The following DNAH7 variants were observed in gnomAD, a reference collection of about 807,000 sequenced individuals.
DNAH7 encodes axonemal beta dynein heavy chain 7.
Under a neutral mutation model 444.6 loss-of-function variants are expected in DNAH7, and 397 were observed. The observed-to-expected ratio is 0.89, with a 90% confidence interval of 0.82 to 0.97. The LOEUF is 0.97. Ranked by LOEUF, DNAH7 falls within the 50% of genes least tolerant of loss-of-function variation. DNAH7 has a pLI of 0.00. For missense variants in DNAH7, 4,902 were observed against 4,800.8 expected (o/e 1.02, Z -0.62); for synonymous variants, 1,636 against 1,624.4 (o/e 1.01, Z -0.17).
At chr2:196,046,633 A>C (rs1472233576) in intron 5 of DNAH7, among the ~76,000 whole-genome samples, 2 of 152,106 alleles carry the variant, frequency 1.3e-5, no homozygotes, top group African/African-American at 4.8e-5. Flanking sequence ...ACCCAGCTGC[A>C]TGGGACTCCG....
At chr2:195,975,306 G>GAGGAGAGTTCCA (rs1692115955) in intron 15 of DNAH7, among the ~76,000 whole-genome samples, 2 of 151,982 alleles carry the variant, frequency 1.3e-5, no homozygotes, top group African/African-American at 4.8e-5. Flanking sequence ...GGGAGAGTGG[G>GAGGAGAGTTCCA]ACTTTGTGTT....
chr2:195,999,868 A>G (rs1423315306), intron 12 of DNAH7, among the ~76,000 whole-genome samples: 1 of 152,238 alleles, frequency 6.6e-6, no homozygotes, highest in Non-Finnish European at 1.5e-5. Context: ...GAAAAACTAA[A>G]CATAAATTGT....
At chr2:196,021,770 T>G (rs2125760780) in intron 8 of DNAH7, among the ~76,000 whole-genome samples, 1 of 152,140 alleles carries the variant, frequency 6.6e-6, no homozygotes, top group Non-Finnish European at 1.5e-5. Context: ...TGTACTGAAC[T>G]GTGATCATGC....
At position 195,906,810 on chromosome 2, in the gene DNAH7, G is replaced by T. The variant is rs754966372; in HGVS notation, c.4208-24C>A. 9.1e-5 allele frequency: 146 copies of T among 1,612,110 alleles called. 1 individual carries two copies. In the Admixed American group the frequency reaches 2.3e-3, roughly 26 times the overall value. ...ACCTGTAGGTAATCAGGAATGAAAT[G>T]ACTTAGTAATACCACATATAAACAT... is the stretch of plus-strand genomic sequence containing the variant. On this transcript the variant is annotated intron_variant, in intron 26 of 64. Coordinates refer to ENST00000312428, the MANE Select transcript of DNAH7 (RefSeq NM_018897.3).
chr2:196,012,863 C>G lies in DNAH7; in HGVS notation c.913G>C (p.Asp305His). 6.5e-7 allele frequency: 1 copy of G among 1,538,270 alleles called. No individual in the cohort carries two copies. The highest frequency in any genetic ancestry group is 8.7e-7 in the Non-Finnish European group (1 of 1,144,506). Residue 305 changes from aspartate to histidine, a missense_variant, in exon 10 of 65, where the codon GAT becomes CAT. Transcript: ENST00000312428. ...TGAAAACTTGACAGCTCTAATGCAT[C>G]CTGGCAATTATGAAATTCTTTGATA... The part of the protein sequence containing the change: ...VDIKEFHNCQ[D>H]ALELSSFQNI...
chr2:195,936,005 T>C (rs1689024545), intron 20 of DNAH7, among the ~76,000 whole-genome samples: 1 of 152,144 alleles, frequency 6.6e-6, no homozygotes, highest in East Asian at 1.9e-4. Context: ...TTGCAAACCA[T>C]CATGAGAGCA....
chr2:196,045,964 T>C (rs534163209), intron 5 of DNAH7, among the ~76,000 whole-genome samples: 22 of 152,164 alleles, frequency 1.4e-4, no homozygotes, highest in Admixed American at 3.3e-4. Context: ...AACTCTAAGA[T>C]TGAATTTCAG....
chr2:195,958,902 C>T (rs1690883517), intron 18 of DNAH7, among the ~76,000 whole-genome samples: 1 of 151,914 alleles, frequency 6.6e-6, no homozygotes, highest in African/African-American at 2.4e-5. Flanking sequence ...AGATTTGAAC[C>T]CAGACAGTTG....
At chr2:195,958,090 G>C (rs938473972) in intron 18 of DNAH7, among the ~76,000 whole-genome samples, 1 of 151,992 alleles carries the variant, frequency 6.6e-6, no homozygotes, top group Non-Finnish European at 1.5e-5. Context: ...GGTTTCAACT[G>C]TGTAGGTCCA....
chr2:195,801,141 C>A (rs935069047), intron 54 of DNAH7, among the ~76,000 whole-genome samples: 3 of 152,160 alleles, frequency 2.0e-5, no homozygotes, highest in African/African-American at 7.2e-5. Context: ...CACTTTCCAG[C>A]CTGTAGAACC....
chr2:195,902,608 C>T (rs963443866), intron 27 of DNAH7: 1 of 152,032 alleles, frequency 6.6e-6, no homozygotes, highest in African/African-American at 2.4e-5. Context: ...CTTTGACCAC[C>T]CTAGTTACTT....
At chr2:195,947,629 T>A (rs960804450) in intron 19 of DNAH7, among the ~76,000 whole-genome samples, 1 of 152,190 alleles carries the variant, frequency 6.6e-6, no homozygotes, top group Non-Finnish European at 1.5e-5. Context: ...GAACTCATCC[T>A]TTTTTATGGC....
chr2:195,789,189 C>A (rs1244776768), intron 57 of DNAH7, among the ~76,000 whole-genome samples: 1 of 151,456 alleles, frequency 6.6e-6, no homozygotes, highest in Non-Finnish European at 1.5e-5. Flanking sequence ...TAATATGGAA[C>A]CTATACCAAG....
intron 16 of DNAH7, among the ~76,000 whole-genome samples, chr2:195,971,541 C>CAG (rs1691841614): frequency 6.6e-6 from 1 of 152,086 alleles, no homozygotes. Flanking sequence ...GCTGAGAGGG[C>CAG]TTCTCAGAAA....
At chr2:195,991,045 C>T (rs1324080676) in intron 12 of DNAH7, among the ~76,000 whole-genome samples, 1 of 149,428 alleles carries the variant, frequency 6.7e-6, no homozygotes, top group Non-Finnish European at 1.5e-5. Flanking sequence ...TTTCAAATTA[C>T]ACCCATTTGA....
intron 19 of DNAH7, among the ~76,000 whole-genome samples, chr2:195,937,572 A>C (rs1220630597): frequency 3.3e-5 from 5 of 152,240 alleles, no homozygotes; most frequent in African/African-American, 1.2e-4. Flanking sequence ...TTTTTAAAAA[A>C]AGTAAATAGA....
chr2:195,779,168 AT>A (rs1464196697), intron 58 of DNAH7, among the ~76,000 whole-genome samples: 20 of 152,086 alleles, frequency 1.3e-4, no homozygotes, highest in African/African-American at 4.8e-4. Context: ...TTTTCCACAA[AT>A]TCCTATATGA....
chr2:195,908,200 T>C (rs1038106466), intron 25 of DNAH7, among the ~76,000 whole-genome samples: 1 of 152,230 alleles, frequency 6.6e-6, no homozygotes, highest in South Asian at 2.1e-4. Context: ...TGTAGAATTC[T>C]TTAGTTTTGT....
intron 26 of DNAH7, 24 bp from the exon 27 acceptor site, chr2:195,906,810 G>A (rs754966372): frequency 1.2e-6 from 2 of 1,612,230 alleles, no homozygotes; most frequent in Non-Finnish European, 1.7e-6. Context: ...GGAATGAAAT[G>A]ACTTAGTAAT....
Sources: gnomAD v4.1 joint callset for allele counts (sites outside exome capture counted in the v4.1 genomes callset) on GRCh38, gnomAD v4.1.1 for gene constraint, MANE v1.5 for transcripts, NCBI Gene and HGNC (gene_info 2026-07-23, HGNC 2026-07-21) for gene names.